The following TRRAP variants were observed in gnomAD, a reference collection of about 807,000 sequenced individuals.
TRRAP encodes transformation/transcription domain-associated protein.
In TRRAP, 41 loss-of-function variants were observed where a neutral mutation model predicts 438.8. That is an observed-to-expected ratio of 0.09 (90% CI 0.07 to 0.12). The LOEUF is 0.12. Ranked by LOEUF, TRRAP falls within the 10% of genes least tolerant of loss-of-function variation. TRRAP has a pLI of 1.00. For missense variants in TRRAP, 3,122 were observed against 5,055.1 expected (o/e 0.62, Z 11.60); for synonymous variants, 1,994 against 1,962.9 (o/e 1.02, Z -0.42).
intron 59 of TRRAP, among the ~76,000 whole-genome samples, chr7:98,982,520 AT>A (rs758018259): frequency 6.6e-6 from 1 of 152,216 alleles, no homozygotes; most frequent in Non-Finnish European, 1.5e-5. Context: ...ATAGAAACAA[AT>A]TTACATTTGG....
rs1416245478 is a variant in TRRAP at position 98,962,341 on chromosome 7, G to T, written c.6743G>T (p.Cys2248Phe). The T allele has an allele frequency of 1.2e-6, 2 of 1,614,054 alleles. No homozygotes were observed. The highest frequency in any genetic ancestry group is 1.3e-5 in the African/African-American group (1 of 74,916). The change falls in exon 47 of 73, where the codon TGC (cysteine) becomes TTC (phenylalanine). Residue 2248 changes from cysteine to phenylalanine, a missense_variant. By Grantham distance (205) the Cys-to-Phe change is radical. This residue lies in a region of TRRAP where 992 missense variants were observed against 1,281.2 expected (regional missense o/e 0.77). Coordinates refer to ENST00000456197, the MANE Select transcript of TRRAP (RefSeq NM_001375524.1). ...SVASKYEELE[C>F]LYAAVGKVIY... is the part of the protein sequence containing the mutation. Reference sequence around the variant, plus strand: ...GCCTCCAAATATGAAGAGCTGGAGTGCCTCTACGCAGCCGTCGGAAAGGTC... The same window carrying T: ...GCCTCCAAATATGAAGAGCTGGAGTTCCTCTACGCAGCCGTCGGAAAGGTC...
In TRRAP at chr7:98,893,932, C is replaced by G. The variant is rs1554405366; in HGVS notation, c.450+51C>G. Reference sequence around the variant, plus strand: ...ATTTATAAAGTGTGTCAACATGTTCCTTCTGTGAAATTTTTTGCTGTCTCA... The same window carrying G: ...ATTTATAAAGTGTGTCAACATGTTCGTTCTGTGAAATTTTTTGCTGTCTCA... On this transcript the variant is annotated intron_variant, in intron 6 of 72. Coordinates refer to ENST00000456197, the MANE Select transcript of TRRAP (RefSeq NM_001375524.1). The G allele has an allele frequency of 1.9e-6, 3 of 1,569,702 alleles. No individual in the cohort carries two copies. In the African/African-American group the frequency reaches 4.1e-5, roughly 22 times the overall value.
chr7:98,950,070 T>G lies in TRRAP; in HGVS notation c.5142T>G (p.Asn1714Lys). Residue 1714 changes from asparagine to lysine, a missense_variant, in exon 38 of 73, where the codon AAT becomes AAG. This residue lies in a region of TRRAP where 272 missense variants were observed against 348.5 expected (regional missense o/e 0.78). Coordinates refer to ENST00000456197, the MANE Select transcript of TRRAP (RefSeq NM_001375524.1). ...TCTTCTTTTGACCCTCCAGAAGGAA[T>G]TACGGAGATATAGAATTGCTGTTCC... ...AYCLLNYCKR[N>K]YGDIELLFQL... The G allele has an allele frequency of 6.2e-7, 1 of 1,614,230 alleles. No individual in the cohort carries two copies. Among genetic ancestry groups the G allele is most frequent in the Non-Finnish European group, 8.5e-7 (1 of 1,180,038 alleles).
intron 62 of TRRAP, among the ~76,000 whole-genome samples, chr7:98,988,401 G>A (rs540175356): frequency 6.6e-6 from 1 of 152,324 alleles, no homozygotes; most frequent in African/African-American, 2.4e-5. Context: ...TATGTTCTAT[G>A]TGTGCAATGG....
Position 98,961,364 on chromosome 7 carries a change from A to G in TRRAP, c.6593A>G (p.Lys2198Arg), listed in dbSNP as rs1791883966. 2.5e-6 allele frequency: 4 copies of G among 1,614,234 alleles called. No individual in the cohort carries two copies. Among genetic ancestry groups the G allele is most frequent in the Non-Finnish European group, 3.4e-6 (4 of 1,180,044 alleles). The change falls in exon 46 of 73, where the codon AAA (lysine) becomes AGA (arginine). Residue 2198 changes from lysine to arginine, a missense_variant. By Grantham distance (26) the Lys-to-Arg change is conservative. Around this residue, in one of 24 missense-constraint regions of TRRAP, gnomAD observed 992 missense variants for 1,281.2 expected, o/e 0.77. Coordinates refer to ENST00000456197, the MANE Select transcript of TRRAP (RefSeq NM_001375524.1). The stretch of plus-strand genomic sequence containing the variant: ...TCCCCAGCCATCCTCAGTAGCTTCA[A>G]ACCTCTGCAGCGTGGAATTGCCGCC... ...LQSPAILSSF[K>R]PLQRGIAACM...
chr7:98,922,027 A>G, intron 21 of TRRAP, 74 bp downstream of exon 21: 1 of 1,586,360 alleles, frequency 6.3e-7, no homozygotes, highest in Non-Finnish European at 8.6e-7. Flanking sequence ...TGAAATGTTA[A>G]TTAGACCTGT....
chr7:98,911,611 C>A (rs144245369), intron 17 of TRRAP, among the ~76,000 whole-genome samples: 2 of 151,820 alleles, frequency 1.3e-5, no homozygotes, highest in African/African-American at 4.8e-5. Context: ...ACAAAAAATA[C>A]AAAAATTAGC....
rs573702806 is a variant in TRRAP, at chr7:98,932,011, C to T, written c.3852+346C>T. Among the ~76,000 whole-genome samples the T allele has an allele frequency of 1.5e-4, 23 of 152,066 alleles. No individual in the cohort carries two copies. The South Asian group carries it at 4.4e-3, about 29-fold the overall frequency. ...CTCACTGCAGCCTGGAACTCCTGGG[C>T]TCAAGTGATCCTCCTGCCTCAGCCT... is the stretch of plus-strand genomic sequence containing the variant. On this transcript the variant is annotated intron_variant, in intron 26 of 72. Transcript: ENST00000456197.
intron 23 of TRRAP, among the ~76,000 whole-genome samples, chr7:98,928,015 G>A (rs1018377018): frequency 4.6e-5 from 7 of 152,154 alleles, no homozygotes; most frequent in Admixed American, 1.3e-4. Context: ...GAGGTGGGCG[G>A]ATCACCTGAG....
chr7:99,000,199 G>A (rs769870716), intron 67 of TRRAP, among the ~76,000 whole-genome samples: 20 of 152,042 alleles, frequency 1.3e-4, no homozygotes, highest in Admixed American at 5.2e-4. Context: ...AGTACAGGTG[G>A]GGTTTCACTA....
chr7:98,960,498 GT>G (rs1456003906), intron 45 of TRRAP, among the ~76,000 whole-genome samples: 1 of 152,084 alleles, frequency 6.6e-6, no homozygotes, highest in Non-Finnish European at 1.5e-5. Flanking sequence ...TCTTTGGTTT[GT>G]TTTTATTAAT....
chr7:98,993,457 G>GT, intron 65 of TRRAP, 81 bp from the exon 66 acceptor site: 1 of 1,456,468 alleles, frequency 6.9e-7, no homozygotes, highest in Non-Finnish European at 9.3e-7. Flanking sequence ...GCGCTCCTTT[G>GT]GCCCATGGGT....
chr7:98,981,561 C>T (rs894513464), intron 58 of TRRAP, among the ~76,000 whole-genome samples: 14 of 152,148 alleles, frequency 9.2e-5, no homozygotes, highest in African/African-American at 2.9e-4. Flanking sequence ...AGAGATTGGC[C>T]GCTCACTGGA....
chr7:98,885,021 G>T lies in TRRAP; in HGVS notation c.150+2997G>T, dbSNP rs183241451. 1.5e-3 allele frequency among the ~76,000 whole-genome samples: 227 copies of T among 152,098 alleles called. 1 individual carries two copies. The highest frequency in any genetic ancestry group is 5.2e-3 in the African/African-American group (214 of 41,490). On this transcript the variant is annotated intron_variant, in intron 3 of 72. Transcript: ENST00000456197. Reference sequence around the variant, plus strand: ...ATGGGTAATGTGCTGACATAACAAGGTTTGAGGGAGGCATGTCTCACATAT... The same window carrying T: ...ATGGGTAATGTGCTGACATAACAAGTTTTGAGGGAGGCATGTCTCACATAT...
chr7:98,913,345 A>T (rs1014202932), intron 18 of TRRAP, among the ~76,000 whole-genome samples: 2 of 151,096 alleles, frequency 1.3e-5, no homozygotes, highest in Non-Finnish European at 2.9e-5. Flanking sequence ...GCTGGAGTGC[A>T]GTGGAGTGAT....
At chr7:98,913,431 G>A (rs1789374129) in intron 18 of TRRAP, among the ~76,000 whole-genome samples, 1 of 151,974 alleles carries the variant, frequency 6.6e-6, no homozygotes, top group Non-Finnish European at 1.5e-5. Flanking sequence ...TGGGATTATA[G>A]GTGCATGCCA....
At position 98,990,740 on chromosome 7, in the gene TRRAP, G is replaced by A. The variant is rs1793396659; in HGVS notation, c.9756+121G>A. ...AGTATTAAAAACAAGTTAAAGAGAT[G>A]GGAAGATATAATCATGTAGATATTA... On this transcript the variant is annotated intron_variant, in intron 64 of 72. Transcript: ENST00000456197. The A allele has an allele frequency of 7.5e-6, 8 of 1,072,972 alleles. No homozygotes were observed. In the South Asian group the frequency reaches 8.0e-5, roughly 11 times the overall value. 66.5% of individuals were successfully genotyped at this position (1,072,972 alleles called of 1,614,324 possible).
In TRRAP at chr7:98,942,962, A is replaced by G; in HGVS notation, c.4418A>G (p.Lys1473Arg). 1.2e-6 allele frequency: 2 copies of G among 1,614,138 alleles called. No homozygotes were observed. Among genetic ancestry groups the G allele is most frequent in the Non-Finnish European group, 1.7e-6 (2 of 1,180,026 alleles). ...FCDQMMQHLR[K>R]WMEVVVITHK... ...TTTTTCCAACAGCAACATCTGCGCA[A>G]GTGGATGGAAGTGGTGGTGATCACC... Residue 1473 changes from lysine (K) to arginine (R), a missense_variant, in exon 31 of 73, where the codon AAG (lysine) becomes AGG (arginine). Coordinates refer to ENST00000456197, the MANE Select transcript of TRRAP (RefSeq NM_001375524.1).
intron 31 of TRRAP, among the ~76,000 whole-genome samples, chr7:98,944,406 G>A (rs1554416350): frequency 1.3e-5 from 2 of 152,168 alleles, no homozygotes; most frequent in Non-Finnish European, 2.9e-5. Context: ...ATTTGGAGGT[G>A]GGGGTGCAGT....
Sources: gnomAD v4.1 joint callset for allele counts (sites outside exome capture counted in the v4.1 genomes callset) on GRCh38, gnomAD v4.1.1 for gene constraint, gnomAD v4.1.1 regional missense constraint, MANE v1.5 for transcripts, NCBI Gene and HGNC (gene_info 2026-07-23, HGNC 2026-07-21) for gene names.